Variants in TMC2 observed in about 807,000 individuals in gnomAD.
TMC2 encodes transmembrane channel-like protein 2.
Under a neutral mutation model 105.9 loss-of-function variants are expected in TMC2, and 102 were observed. The ratio of observed to expected loss-of-function variants is 0.96; its 90% CI spans 0.82 to 1.14. TMC2 has a LOEUF of 1.14. TMC2 is among the 50% of genes most tolerant of loss of function. The pLI is 0.00. For missense variants in TMC2, 1,093 were observed against 1,134.3 expected (o/e 0.96, Z 0.52); for synonymous variants, 402 against 422.8 (o/e 0.95, Z 0.60).
intron 2 of TMC2, among the ~76,000 whole-genome samples, chr20:2,552,656 C>G (rs999613240): frequency 1.3e-5 from 2 of 152,122 alleles, no homozygotes; most frequent in Non-Finnish European, 2.9e-5. Flanking sequence ...GCTGGGAATA[C>G]AGACTCGTGC....
chr20:2,589,762 C>T (rs2086256251), intron 7 of TMC2, among the ~76,000 whole-genome samples: 2 of 152,124 alleles, frequency 1.3e-5, no homozygotes, highest in Admixed American at 1.3e-4. Flanking sequence ...CTCCGCCTCC[C>T]AGGTTCACGC....
chr20:2,541,401 GAGGCCGAGGC>G (rs940000506), intron 2 of TMC2, among the ~76,000 whole-genome samples: 1 of 152,196 alleles, frequency 6.6e-6, no homozygotes, highest in Non-Finnish European at 1.5e-5. Context: ...AGCATTTTGG[GAGGCCGAGGC>G]AGGCGGATTA....
intron 18 of TMC2, among the ~76,000 whole-genome samples, chr20:2,636,872 A>G (rs1353454171): frequency 6.6e-6 from 1 of 152,084 alleles, no homozygotes; most frequent in South Asian, 2.1e-4. Context: ...TGGTCTCCCA[A>G]AGTGCTGGGA....
At chr20:2,624,072 C>T (rs1568528833) in intron 16 of TMC2, among the ~76,000 whole-genome samples, 199 bp from the exon 17 acceptor site, 1 of 152,206 alleles carries the variant, frequency 6.6e-6, no homozygotes, top group Non-Finnish European at 1.5e-5. Context: ...CGTGTGCCGA[C>T]CCAGCTGTCA....
rs1375849076 is a variant in TMC2 at position 2,616,970 on chromosome 20, C to A, written c.1941-102C>A. On this transcript the variant is annotated intron_variant, in intron 15 of 19. Coordinates refer to ENST00000358864, the MANE Select transcript of TMC2 (RefSeq NM_080751.3). The surrounding 1 kb of genome is among the most constrained non-coding windows in gnomAD (Gnocchi z 4.8). ...CTGGGGACTTGCCAGGAAAGCAGCTCGGCCTCATGCCCCTAACCCATCCGT... is the reference window on the plus strand; with the variant it reads ...CTGGGGACTTGCCAGGAAAGCAGCTAGGCCTCATGCCCCTAACCCATCCGT... The A allele has an allele frequency of 8.6e-6, 12 of 1,394,492 alleles. No individual in the cohort carries two copies. Among genetic ancestry groups the A allele is most frequent in the Non-Finnish European group, 1.2e-5 (12 of 1,013,074 alleles). The allele number at this position is 1,394,492 out of a possible 1,614,324, so 86.4% of individuals were successfully genotyped here.
chr20:2,618,235 G>C (rs553327653), intron 16 of TMC2: 1 of 152,724 alleles, frequency 6.5e-6, no homozygotes, highest in Admixed American at 6.5e-5. Context: ...CACTTTTTTA[G>C]CTCCCACATG....
At chr20:2,547,962 A>G (rs1218486373) in intron 2 of TMC2, among the ~76,000 whole-genome samples, 2 of 152,226 alleles carry the variant, frequency 1.3e-5, no homozygotes, top group Non-Finnish European at 2.9e-5. Context: ...GGACAAAACT[A>G]TTCTTTTTTT....
rs1600147982 is a variant in TMC2 at position 2,642,182 on chromosome 20, G to A, written c.*831G>A. On this transcript the variant is annotated 3_prime_UTR_variant, in exon 20 of 20. Transcript: ENST00000358864. ...GGCCAGGGGTTTCAGATGAGCCTGA[G>A]CAACAGAGCAAGACCCTTGTCTCTA... Among the ~76,000 whole-genome samples, 2 of 152,312 alleles carry A rather than the reference G, an allele frequency of 1.3e-5. No homozygotes were observed. Among genetic ancestry groups the A allele is most frequent in the East Asian group, 3.9e-4 (2 of 5,186 alleles).
chr20:2,608,920 T>C (rs2086414207), intron 11 of TMC2, among the ~76,000 whole-genome samples: 1 of 152,232 alleles, frequency 6.6e-6, no homozygotes, highest in Non-Finnish European at 1.5e-5. Context: ...CTTTAGAATT[T>C]GGCACAGTGA....
chr20:2,624,614 G>A (rs1164378356), intron 17 of TMC2, among the ~76,000 whole-genome samples: 1 of 152,182 alleles, frequency 6.6e-6, no homozygotes, highest in East Asian at 1.9e-4. Flanking sequence ...TGAGAATTCT[G>A]GGAGGCAGTG....
chr20:2,563,451 C>A (rs1474211906), intron 4 of TMC2, among the ~76,000 whole-genome samples: 1 of 152,188 alleles, frequency 6.6e-6, no homozygotes, highest in African/African-American at 2.4e-5. Context: ...TAACATATAG[C>A]CACTACCACG....
chr20:2,600,758 A>G (rs1377901817), intron 10 of TMC2, among the ~76,000 whole-genome samples: 2 of 151,914 alleles, frequency 1.3e-5, no homozygotes, highest in East Asian at 3.9e-4. Context: ...TGGGAGGCGG[A>G]GCTTGCAGTG....
rs141844297 is a variant in TMC2 at position 2,641,184 on chromosome 20, C to T, written c.2554C>T (p.Gln852Ter). 30 of 1,614,024 alleles carry T rather than the reference C, an allele frequency of 1.9e-5. No individual in the cohort carries two copies. The African/African-American group carries it at 2.3e-4, about 12-fold the overall frequency. The change falls in exon 20 of 20, where the codon CAG (glutamine) becomes TAG (stop). Residue 852 changes from glutamine (Q) to a stop codon, truncating the protein, a stop_gained. Transcript: ENST00000358864. LOFTEE classifies it low-confidence loss of function (END_TRUNC). Reference sequence around the variant, plus strand: ...AAGCCAGGCCATGGACAAGAAGGCGCAGGGCCCTGGGACCTCCAATTCTGC... The same window carrying T: ...AAGCCAGGCCATGGACAAGAAGGCGTAGGGCCCTGGGACCTCCAATTCTGC... ...SQSQAMDKKA[Q>*]GPGTSNSASR... is the part of the protein sequence containing the mutation.
chr20:2,628,824 C>T lies in TMC2; in HGVS notation c.2306+4428C>T, dbSNP rs1048336981. Among the ~76,000 whole-genome samples the T allele has an allele frequency of 3.9e-5, 6 of 152,284 alleles. No individual in the cohort carries two copies. In the East Asian group the frequency reaches 1.2e-3, roughly 29 times the overall value. Reference sequence around the variant, plus strand: ...CAGTATGAAAACAGGCTAATAAGGCCGGGCACAGTGGCTCATGCCTGTAAT... The same window carrying T: ...CAGTATGAAAACAGGCTAATAAGGCTGGGCACAGTGGCTCATGCCTGTAAT... On this transcript the variant is annotated intron_variant, in intron 17 of 19. Coordinates refer to ENST00000358864, the MANE Select transcript of TMC2 (RefSeq NM_080751.3).
chr20:2,589,270 C>CTTTGTGTGTGTGTGTGTG lies in TMC2; in HGVS notation c.835-3039_835-3038insTTGTGTGTGTGTGTGTGT, dbSNP rs1555774377. 1.7e-3 allele frequency among the ~76,000 whole-genome samples: 196 copies of CTTTGTGTGTGTGTGTGTG among 116,352 alleles called. 5 individuals carry two copies. Among genetic ancestry groups the CTTTGTGTGTGTGTGTGTG allele is most frequent in the African/African-American group, 7.0e-3 (182 of 25,824 alleles). 76.3% of individuals were successfully genotyped at this position (116,352 alleles called of 152,430 possible). On this transcript the variant is annotated intron_variant, in intron 7 of 19. Coordinates refer to ENST00000358864, the MANE Select transcript of TMC2 (RefSeq NM_080751.3). The stretch of plus-strand genomic sequence containing the variant: ...TTTTCCAGATATCTTCCTATTTGCC[C>CTTTGTGTGTGTGTGTGTG]TGTGTGTGTGTGTGTGTGTGTGTGT...
intron 12 of TMC2, 57 bp downstream of exon 12, chr20:2,610,655 T>A: frequency 2.9e-6 from 3 of 1,044,324 alleles, no homozygotes; most frequent in Admixed American, 4.2e-5. Context: ...TAGTATTTTC[T>A]TTTTTAATAT....
chr20:2,616,103 C>G lies in TMC2; in HGVS notation c.1873-34C>G. On this transcript the variant is annotated intron_variant, in intron 14 of 19. Coordinates refer to ENST00000358864, the MANE Select transcript of TMC2 (RefSeq NM_080751.3). This position sits in a 1 kb window ranked among gnomAD's most constrained non-coding sequence, Gnocchi z 4.8. Reference sequence around the variant, plus strand: ...ATTCACCAAACGTGCTTTTTTTTTTCTCTCTCTCTCTCGCTCCCTCCCTCC... The same window carrying G: ...ATTCACCAAACGTGCTTTTTTTTTTGTCTCTCTCTCTCGCTCCCTCCCTCC... 5 of 922,504 alleles carry G rather than the reference C, an allele frequency of 5.4e-6. No individual in the cohort carries two copies. Among genetic ancestry groups the G allele is most frequent in the Non-Finnish European group, 6.1e-6 (4 of 653,558 alleles). 57.1% of individuals were successfully genotyped at this position (922,504 alleles called of 1,614,324 possible).
At chr20:2,566,019 CA>C (rs1362777608) in intron 4 of TMC2, among the ~76,000 whole-genome samples, 1 of 152,130 alleles carries the variant, frequency 6.6e-6, no homozygotes, top group Non-Finnish European at 1.5e-5. Context: ...GCCTTGGTGA[CA>C]AAGTGAGACT....
At chr20:2,574,889 CTAA>C (rs1436989909) in intron 5 of TMC2, among the ~76,000 whole-genome samples, 5 of 151,906 alleles carry the variant, frequency 3.3e-5, no homozygotes, top group African/African-American at 1.2e-4. Context: ...CCATACCCGG[CTAA>C]TTTTTGTATT....
Sources: gnomAD v4.1 joint callset for allele counts (sites outside exome capture counted in the v4.1 genomes callset) on GRCh38, gnomAD v4.1.1 for gene constraint, Gnocchi (gnomAD v3.1) non-coding constraint, MANE v1.5 for transcripts, NCBI Gene and HGNC (gene_info 2026-07-23, HGNC 2026-07-21) for gene names.